TNIK: variants seen among roughly 807,000 people sequenced by gnomAD.
TNIK encodes the protein TRAF2 and NCK-interacting protein kinase.
In TNIK, 49 loss-of-function variants were observed where a neutral mutation model predicts 191.3. The observed-to-expected ratio is 0.26, with a 90% confidence interval of 0.20 to 0.32. The LOEUF (loss-of-function observed/expected upper bound fraction) is 0.32. TNIK is among the 10% of genes least tolerant of loss of function. The pLI is 1.00. For missense variants in TNIK, 1,155 were observed against 1,702.3 expected (o/e 0.68, Z 5.66); for synonymous variants, 594 against 600.9 (o/e 0.99, Z 0.17).
chr3:171,309,174 G>GA (rs10535735), intron 2 of TNIK, among the ~76,000 whole-genome samples: 228 of 150,780 alleles, frequency 1.5e-3, no homozygotes, highest in Admixed American at 0.014. Context: ...TGGTAGACTG[G>GA]AAAAAAAAAA....
At chr3:171,240,245 G>A (rs964627671) in intron 2 of TNIK, among the ~76,000 whole-genome samples, 28 of 152,186 alleles carry the variant, frequency 1.8e-4, no homozygotes, top group Admixed American at 1.6e-3. Flanking sequence ...TTCTCTTCTC[G>A]AGCAGGTATT....
intron 28 of TNIK, among the ~76,000 whole-genome samples, chr3:171,072,352 G>A (rs988698862): frequency 1.3e-5 from 2 of 152,096 alleles, no homozygotes; most frequent in Admixed American, 6.6e-5. Flanking sequence ...GACATAAAGT[G>A]TTTATTAGAC....
chr3:171,128,886 C>CAAA lies in TNIK; in HGVS notation c.1609-9_1609-8insTTT, dbSNP rs1728858529. ...CCTTGACCGTTCTTCTACCTACAAC[C>CAAA]CAAAAAAAAAAAAAAAAAAAAGACA... On this transcript the variant is annotated splice_polypyrimidine_tract_variant and intron_variant, in intron 15 of 32. Transcript: ENST00000436636. 1.8e-5 allele frequency: 22 copies of CAAA among 1,202,202 alleles called. No homozygotes were observed. The highest frequency in any genetic ancestry group is 1.5e-4 in the South Asian group (6 of 39,958). The allele number at this position is 1,202,202 out of a possible 1,614,324, so 74.5% of individuals were successfully genotyped here. A position where few individuals can be genotyped will look rare whatever the true frequency, so the allele number is the denominator to read the frequency against.
At chr3:171,337,968 A>ATGCTT (rs1757124643) in intron 2 of TNIK, among the ~76,000 whole-genome samples, 1 of 152,220 alleles carries the variant, frequency 6.6e-6, no homozygotes, top group Non-Finnish European at 1.5e-5. Context: ...GCATAAGCAG[A>ATGCTT]AGGGAGAGAA....
At chr3:171,435,715 C>T (rs565237280) in intron 1 of TNIK, among the ~76,000 whole-genome samples, 2 of 152,240 alleles carry the variant, frequency 1.3e-5, no homozygotes, top group South Asian at 4.1e-4. Flanking sequence ...AATAAGGGGG[C>T]TTACATAGCA....
chr3:171,429,810 C>G (rs544396769), intron 1 of TNIK, among the ~76,000 whole-genome samples: 1 of 152,144 alleles, frequency 6.6e-6, no homozygotes, highest in African/African-American at 2.4e-5. Context: ...TGGAATCCTA[C>G]CTCGCCCCAG....
intron 7 of TNIK, among the ~76,000 whole-genome samples, chr3:171,184,578 C>T (rs1274828123): frequency 6.6e-6 from 1 of 152,162 alleles, no homozygotes; most frequent in Non-Finnish European, 1.5e-5. Context: ...CATCTTCCTT[C>T]TGATCGAATA....
At chr3:171,111,650 C>T (rs1042242148) in intron 18 of TNIK, among the ~76,000 whole-genome samples, 5 of 152,132 alleles carry the variant, frequency 3.3e-5, no homozygotes, top group African/African-American at 1.2e-4. Context: ...TCCAGAGATT[C>T]CACTTCTGGA....
At chr3:171,208,435 T>G (rs936014973) in intron 4 of TNIK, among the ~76,000 whole-genome samples, 5 of 152,202 alleles carry the variant, frequency 3.3e-5, no homozygotes, top group African/African-American at 9.7e-5. Flanking sequence ...TCAACACAAT[T>G]AGTATACATT....
chr3:171,086,369 G>A (rs140183013), intron 24 of TNIK, among the ~76,000 whole-genome samples: 1 of 152,284 alleles, frequency 6.6e-6, no homozygotes, highest in East Asian at 1.9e-4. Flanking sequence ...AGATGTCTGT[G>A]AAAGAGGTAG....
intron 2 of TNIK, among the ~76,000 whole-genome samples, chr3:171,305,358 A>C (rs540876018): frequency 6.6e-6 from 1 of 152,162 alleles, no homozygotes; most frequent in East Asian, 1.9e-4. Context: ...GCAAAACTTG[A>C]CAAATGGGAC....
chr3:171,333,224 A>G (rs1043966765), intron 2 of TNIK, among the ~76,000 whole-genome samples: 4 of 151,838 alleles, frequency 2.6e-5, no homozygotes, highest in African/African-American at 4.8e-5. Context: ...ACTTTTACAT[A>G]AAGTCTAGCT....
chr3:171,218,932 T>TTA (rs1289891569), intron 3 of TNIK, among the ~76,000 whole-genome samples: 3 of 133,126 alleles, frequency 2.3e-5, no homozygotes, highest in Admixed American at 8.2e-5. Context: ...TTTATATGTT[T>TTA]TATATATATT....
chr3:171,376,720 TAA>T (rs1352879658), intron 1 of TNIK, among the ~76,000 whole-genome samples: 2 of 140,856 alleles, frequency 1.4e-5, no homozygotes, highest in African/African-American at 6.4e-5. Flanking sequence ...GTAAAAAACA[TAA>T]ATATATACAG....
chr3:171,182,092 T>A (rs1160715321), intron 7 of TNIK, among the ~76,000 whole-genome samples: 1 of 151,564 alleles, frequency 6.6e-6, no homozygotes, highest in African/African-American at 2.4e-5. Flanking sequence ...CAAATACCTG[T>A]GCATACTCTG....
chr3:171,378,132 C>T (rs903980623), intron 1 of TNIK, among the ~76,000 whole-genome samples: 24 of 152,190 alleles, frequency 1.6e-4, no homozygotes, highest in Admixed American at 3.3e-4. Context: ...GAGCCAGAAG[C>T]CCCAGAGAGG....
chr3:171,257,726 C>T (rs550530450), intron 2 of TNIK, among the ~76,000 whole-genome samples: 121 of 152,294 alleles, frequency 7.9e-4, no homozygotes, highest in African/African-American at 2.6e-3. Flanking sequence ...GGGACATCAA[C>T]ACCCCATTCA....
intron 1 of TNIK, among the ~76,000 whole-genome samples, chr3:171,370,314 ATT>A (rs1716313261): frequency 6.6e-6 from 1 of 152,216 alleles, no homozygotes; most frequent in African/African-American, 2.4e-5. Context: ...TAACTGCAGG[ATT>A]TAGAATGCAA....
In TNIK at chr3:171,194,326, C is replaced by T. The variant is rs150115495; in HGVS notation, c.417+199G>A. Among the ~76,000 whole-genome samples, 11 of 152,274 alleles carry T rather than the reference C, an allele frequency of 7.2e-5. No individual in the cohort carries two copies. In the East Asian group the frequency reaches 1.9e-3, roughly 27 times the overall value. ...TGCTCATGGCCTATCTCCAGAATGGCGCTCACTTCCATCAGAGCAGACCTT... is the reference window on the plus strand; with the variant it reads ...TGCTCATGGCCTATCTCCAGAATGGTGCTCACTTCCATCAGAGCAGACCTT... On this transcript the variant is annotated intron_variant, in intron 5 of 32. Transcript: ENST00000436636.
Sources: gnomAD v4.1 joint callset for allele counts (sites outside exome capture counted in the v4.1 genomes callset) on GRCh38, gnomAD v4.1.1 for gene constraint, MANE v1.5 for transcripts, NCBI Gene and HGNC (gene_info 2026-07-23, HGNC 2026-07-21) for gene names.